The following ZPBP variants were observed in gnomAD, a reference collection of about 807,000 sequenced individuals.
The protein encoded by ZPBP is zona pellucida binding protein.
Under a neutral mutation model 44.8 loss-of-function variants are expected in ZPBP, and 26 were observed. The observed-to-expected ratio is 0.58, with a 90% CI of 0.43 to 0.81. The LOEUF is 0.81. Among genes scored for constraint, ZPBP ranks in the 30% least tolerant of loss-of-function variants. ZPBP has a pLI of 0.00. For synonymous variants in ZPBP, 174 were observed against 153.2 expected (o/e 1.14, Z -1.00); for missense variants, 409 against 434.0 (o/e 0.94, Z 0.51).
At chr7:49,912,126 G>C in intron 1 of ZPBP, 1 of 1,614,092 alleles carries the variant, frequency 6.2e-7, no homozygotes, top group Admixed American at 1.7e-5. Flanking sequence ...TTATGAGGAA[G>C]GCACATGGAG....
Position 49,898,121 on chromosome 7 carries a change from G to A in ZPBP, n.509+2997C>T, listed in dbSNP as rs563343185. ...ATGTATGCTTTACATATATGTGTGT[G>A]TGTGTGTGTATGTATGTGTGTGTGT... On this transcript the variant is annotated intron_variant and non_coding_transcript_variant, in intron 2 of 2. Transcript: ENST00000465922. Among the ~76,000 whole-genome samples the A allele has an allele frequency of 5.1e-4, 78 of 152,108 alleles. No individual in the cohort carries two copies. In the Middle Eastern group the frequency reaches 0.01, roughly 20 times the overall value.
At chr7:49,998,853 T>C (rs1345864727) in intron 6 of ZPBP, among the ~76,000 whole-genome samples, 2 of 152,028 alleles carry the variant, frequency 1.3e-5, no homozygotes, top group Admixed American at 1.3e-4. Flanking sequence ...TTGGGGTTCT[T>C]CAGAGAAATA....
At position 49,981,289 on chromosome 7, in the gene ZPBP, A is replaced by ATAATT. The variant is rs538817413; in HGVS notation, c.961+2052_961+2053insAATTA. The stretch of plus-strand genomic sequence containing the variant: ...AGATCAGATATAATATATATTATAT[A>ATAATT]ATATATATTATATATAATTATATAT... On this transcript the variant is annotated intron_variant, in intron 7 of 7. Transcript: ENST00000046087. Among the ~76,000 whole-genome samples, 14 of 74,846 alleles carry ATAATT rather than the reference A, an allele frequency of 1.9e-4. 2 individuals are homozygous for ATAATT. The South Asian group carries it at 5.3e-3, about 28-fold the overall frequency. The allele number at this position is 74,846 out of a possible 152,430, so 49.1% of individuals were successfully genotyped here. A position where few individuals can be genotyped will look rare whatever the true frequency, so the allele number is the denominator to read the frequency against.
At chr7:50,033,002 G>A (rs1474116288) in intron 4 of ZPBP, among the ~76,000 whole-genome samples, 7 of 151,928 alleles carry the variant, frequency 4.6e-5, no homozygotes, top group African/African-American at 1.7e-4. Context: ...AGCAGAAAAA[G>A]AATTATGTGG....
intron 3 of ZPBP, among the ~76,000 whole-genome samples, chr7:50,059,693 A>G (rs953801789): frequency 1.3e-5 from 2 of 152,224 alleles, no homozygotes; most frequent in African/African-American, 4.8e-5. Flanking sequence ...ATCATTTGAA[A>G]TGAATGTTTC....
Position 50,060,168 on chromosome 7 carries a change from A to G in ZPBP, c.335-2027T>C, listed in dbSNP as rs560554624. Reference sequence around the variant, plus strand: ...TGGAATCCTAGCTACAGGAGAACCCATGGACATTTGGGCTGGCAAGGGAGA... The same window carrying G: ...TGGAATCCTAGCTACAGGAGAACCCGTGGACATTTGGGCTGGCAAGGGAGA... On this transcript the variant is annotated intron_variant, in intron 3 of 7. Coordinates refer to ENST00000046087, the MANE Select transcript of ZPBP (RefSeq NM_007009.3). Among the ~76,000 whole-genome samples, 5 of 152,038 alleles carry G rather than the reference A, an allele frequency of 3.3e-5. 1 individual carries two copies. The South Asian group carries it at 1.0e-3, about 32-fold the overall frequency.
chr7:49,923,065 A>T (rs1283687689), intron 1 of ZPBP, among the ~76,000 whole-genome samples: 3 of 152,226 alleles, frequency 2.0e-5, no homozygotes, highest in Non-Finnish European at 2.9e-5. Flanking sequence ...GTGAATCTGA[A>T]GACAGATCAA....
intron 7 of ZPBP, chr7:49,940,782 C>A (rs1376763989): frequency 1.0e-6 from 1 of 985,116 alleles, no homozygotes; most frequent in Non-Finnish European, 1.2e-6. Context: ...GAGAACAGAG[C>A]AGACTAAATT....
At chr7:49,911,840 T>A (rs1039022377) in intron 1 of ZPBP, among the ~76,000 whole-genome samples, 6 of 151,592 alleles carry the variant, frequency 4.0e-5, no homozygotes, top group South Asian at 2.1e-4. Flanking sequence ...GAAGTTGCAG[T>A]GAGCCGAGAT....
chr7:49,977,031 G>T (rs1180623760), intron 7 of ZPBP, among the ~76,000 whole-genome samples: 3 of 151,756 alleles, frequency 2.0e-5, no homozygotes, highest in African/African-American at 7.3e-5. Context: ...GAACCCAGGA[G>T]ACGGAGCTTG....
chr7:50,066,711 C>A (rs188671355), intron 3 of ZPBP, among the ~76,000 whole-genome samples: 1 of 152,268 alleles, frequency 6.6e-6, no homozygotes, highest in East Asian at 1.9e-4. Context: ...AGAGATGGTC[C>A]TCTTAGCTTC....
At chr7:49,859,333 G>C (rs1446626817) in intron 2 of ZPBP, among the ~76,000 whole-genome samples, 1 of 151,930 alleles carries the variant, frequency 6.6e-6, no homozygotes. Context: ...TTTTAAGTCT[G>C]GTTTTTAAAA....
chr7:49,978,033 G>C (rs970556230), intron 7 of ZPBP, among the ~76,000 whole-genome samples: 1 of 150,994 alleles, frequency 6.6e-6, no homozygotes, highest in African/African-American at 2.4e-5. Context: ...GGGGTATTAT[G>C]TCAAAGAATG....
intron 2 of ZPBP, among the ~76,000 whole-genome samples, chr7:49,882,536 CAGAG>C (rs973889003): frequency 3.3e-5 from 5 of 151,658 alleles, no homozygotes; most frequent in Admixed American, 2.0e-4. Context: ...GAGGGACACA[CAGAG>C]AGAGAGACAG....
chr7:50,011,068 C>G (rs778577574), intron 6 of ZPBP, among the ~76,000 whole-genome samples: 2 of 152,188 alleles, frequency 1.3e-5, no homozygotes, highest in East Asian at 1.9e-4. Flanking sequence ...CAAATACTTA[C>G]AGTCAACTGA....
intron 5 of ZPBP, among the ~76,000 whole-genome samples, chr7:50,023,957 T>TA (rs1325888851): frequency 6.6e-6 from 1 of 150,996 alleles, no homozygotes; most frequent in African/African-American, 2.4e-5. Flanking sequence ...AAAGAAGAAT[T>TA]AAAAAAACAA....
chr7:50,018,141 G>T (rs1396021215), intron 6 of ZPBP, 99 bp downstream of exon 6: 2 of 846,528 alleles, frequency 2.4e-6, no homozygotes, highest in Non-Finnish European at 4.0e-6. Context: ...CTTAACTGTG[G>T]GGATTCAACG....
chr7:50,060,649 C>T (rs1352117962), intron 3 of ZPBP, among the ~76,000 whole-genome samples: 1 of 152,118 alleles, frequency 6.6e-6, no homozygotes, highest in African/African-American at 2.4e-5. Flanking sequence ...AGAGTAAGTT[C>T]TGACACTGAA....
intron 2 of ZPBP, among the ~76,000 whole-genome samples, chr7:49,896,067 GTGGTGGCTCACACC>G (rs1792370095): frequency 6.6e-6 from 1 of 152,178 alleles, no homozygotes; most frequent in Non-Finnish European, 1.5e-5. Flanking sequence ...CAGGTCCGGT[GTGGTGGCTCACACC>G]TGTAATACCA....
Sources: allele counts gnomAD v4.1 joint callset (sites outside exome capture counted in the v4.1 genomes callset), GRCh38; gene constraint gnomAD v4.1.1; transcripts MANE v1.5; gene names NCBI Gene and HGNC (gene_info 2026-07-23, HGNC 2026-07-21).